Variants in TMEM132D observed in about 807,000 individuals in gnomAD.
TMEM132D encodes mature OL transmembrane protein.
TMEM132D carries 21 observed loss-of-function variants against 62.3 expected under a neutral mutation model. The ratio of observed to expected loss-of-function variants is 0.34; its 90% CI spans 0.24 to 0.49. TMEM132D has a LOEUF of 0.49. Among genes scored for constraint, TMEM132D ranks in the 20% least tolerant of loss-of-function variants. The pLI, the probability that TMEM132D is intolerant of heterozygous loss-of-function variation, is 0.99. For synonymous variants in TMEM132D, 621 were observed against 575.6 expected (o/e 1.08, Z -1.13); for missense variants, 1,346 against 1,402.8 (o/e 0.96, Z 0.65).
At chr12:129,641,552 T>C (rs942938080) in intron 2 of TMEM132D, among the ~76,000 whole-genome samples, 1 of 152,176 alleles carries the variant, frequency 6.6e-6, no homozygotes, top group African/African-American at 2.4e-5. Context: ...GTCCAGGTCA[T>C]CTCACAAATT....
At chr12:129,716,413 G>C (rs774290668) in intron 1 of TMEM132D, among the ~76,000 whole-genome samples, 1 of 152,200 alleles carries the variant, frequency 6.6e-6, no homozygotes, top group Non-Finnish European at 1.5e-5. Context: ...ACGCCTGTGA[G>C]GGTCAGGGCA....
chr12:129,276,417 A>G (rs1180656317), intron 4 of TMEM132D, among the ~76,000 whole-genome samples: 1 of 152,178 alleles, frequency 6.6e-6, no homozygotes, highest in Non-Finnish European at 1.5e-5. Context: ...TATGAAAGAG[A>G]GCTACTTATA....
chr12:129,732,191 A>G (rs1340087743), intron 1 of TMEM132D, among the ~76,000 whole-genome samples: 1 of 152,146 alleles, frequency 6.6e-6, no homozygotes, highest in Non-Finnish European at 1.5e-5. Flanking sequence ...TGGGGAAGCC[A>G]CATGTGACAA....
chr12:129,420,211 G>C (rs1872259822), intron 3 of TMEM132D, among the ~76,000 whole-genome samples: 2 of 150,052 alleles, frequency 1.3e-5, no homozygotes, highest in Non-Finnish European at 2.9e-5. Context: ...CCCGGCTATA[G>C]AAAACACACA....
intron 2 of TMEM132D, 114 bp downstream of exon 2, chr12:129,699,696 G>C: frequency 7.4e-7 from 1 of 1,350,028 alleles, no homozygotes; most frequent in Non-Finnish European, 1.0e-6. Context: ...TGTAAGAACG[G>C]GAAGGCCGGC....
At chr12:129,702,473 A>T (rs534578293) in intron 1 of TMEM132D, among the ~76,000 whole-genome samples, 5 of 152,322 alleles carry the variant, frequency 3.3e-5, no homozygotes, top group Admixed American at 1.3e-4. Context: ...CAAAGAAGAG[A>T]CAAAGAATAT....
chr12:129,304,912 C>A (rs763348365), intron 4 of TMEM132D, among the ~76,000 whole-genome samples: 1 of 152,146 alleles, frequency 6.6e-6, no homozygotes, highest in Non-Finnish European at 1.5e-5. Context: ...GATCTGCCCA[C>A]CTTGGCCTCC....
intron 3 of TMEM132D, chr12:129,521,785 C>T (rs1213925592): frequency 6.6e-6 from 1 of 152,182 alleles, no homozygotes; most frequent in Non-Finnish European, 1.5e-5. Context: ...TATCCCTCAC[C>T]AGCTGGCAGA....
intron 4 of TMEM132D, among the ~76,000 whole-genome samples, chr12:129,299,847 T>A (rs1728193993): frequency 6.6e-6 from 1 of 152,154 alleles, no homozygotes; most frequent in Non-Finnish European, 1.5e-5. Context: ...GTTAAACAGG[T>A]CTCTTCAATG....
intron 3 of TMEM132D, among the ~76,000 whole-genome samples, chr12:129,427,989 T>G (rs1317969130): frequency 6.6e-6 from 1 of 152,118 alleles, no homozygotes; most frequent in East Asian, 1.9e-4. Flanking sequence ...AATTTCTCCA[T>G]GGGAAATTTA....
intron 4 of TMEM132D, among the ~76,000 whole-genome samples, chr12:129,337,430 G>C (rs1220926448): frequency 1.7e-5 from 2 of 119,198 alleles, no homozygotes; most frequent in African/African-American, 3.2e-5. Flanking sequence ...TATAGATATA[G>C]ATACACACAC....
At chr12:129,689,962 A>G (rs1177788114) in intron 2 of TMEM132D, among the ~76,000 whole-genome samples, 1 of 152,230 alleles carries the variant, frequency 6.6e-6, no homozygotes. Context: ...AGACAGATAC[A>G]TTCAAGGAAG....
intron 5 of TMEM132D, among the ~76,000 whole-genome samples, chr12:129,189,601 G>A (rs1222719806): frequency 1.3e-5 from 2 of 152,138 alleles, no homozygotes; most frequent in African/African-American, 4.8e-5. Flanking sequence ...GAGGAAGGCT[G>A]GGAGTCCCCA....
intron 5 of TMEM132D, among the ~76,000 whole-genome samples, chr12:129,088,083 C>CG (rs772823794): frequency 6.2e-5 from 2 of 32,418 alleles, no homozygotes; most frequent in Non-Finnish European, 5.1e-5. Context: ...CCTCCCTGAC[C>CG]GGGTGTCCTC....
Position 129,144,862 on chromosome 12 carries a change from T to C in TMEM132D, c.1444-60160A>G, listed in dbSNP as rs144490528. On this transcript the variant is annotated intron_variant, in intron 5 of 8. Coordinates refer to ENST00000422113, the MANE Select transcript of TMEM132D (RefSeq NM_133448.3). ...TATCTATGTATATATCTATCATTCA[T>C]CTATCATCTATCTACCATTCACCTA... 4.3e-3 allele frequency among the ~76,000 whole-genome samples: 660 copies of C among 152,100 alleles called. 6 individuals are homozygous for C. Among genetic ancestry groups the C allele is most frequent in the African/African-American group, 0.015 (629 of 41,480 alleles).
intron 2 of TMEM132D, among the ~76,000 whole-genome samples, chr12:129,676,215 G>A (rs1880627125): frequency 1.3e-5 from 2 of 152,176 alleles, no homozygotes; most frequent in South Asian, 2.1e-4. Context: ...GATGATGGGG[G>A]CAGGGAGGAA....
chr12:129,771,685 T>G (rs1870755193), intron 1 of TMEM132D, among the ~76,000 whole-genome samples: 1 of 152,226 alleles, frequency 6.6e-6, no homozygotes, highest in South Asian at 2.1e-4. Flanking sequence ...CCAATGCACT[T>G]GGCATCTGAC....
intron 3 of TMEM132D, among the ~76,000 whole-genome samples, chr12:129,437,704 C>T (rs11060347): frequency 0.41 from 61,489 of 151,564 alleles, 12,645 homozygotes; most frequent in South Asian, 0.54. Flanking sequence ...CCTAAGTACA[C>T]ACCTTCAGGA....
At chr12:129,290,544 T>C (rs1881423426) in intron 4 of TMEM132D, among the ~76,000 whole-genome samples, 1 of 152,214 alleles carries the variant, frequency 6.6e-6, no homozygotes, top group Non-Finnish European at 1.5e-5. Flanking sequence ...AGGGAAACCA[T>C]TTATGTTGAA....
Sources: gnomAD v4.1 joint callset for allele counts (sites outside exome capture counted in the v4.1 genomes callset) on GRCh38, gnomAD v4.1.1 for gene constraint, MANE v1.5 for transcripts, NCBI Gene and HGNC (gene_info 2026-07-23, HGNC 2026-07-21) for gene names.